The following INIP variants were observed in gnomAD, a reference collection of about 807,000 sequenced individuals.
INIP encodes INTS3 and NABP interacting protein, also known as SOSS complex subunit C.
A neutral mutation model predicts 14.0 loss-of-function variants in INIP; 9 were observed. That is an observed-to-expected ratio of 0.64 (90% confidence interval 0.39 to 1.12). The LOEUF (loss-of-function observed/expected upper bound fraction) is 1.12, where lower values mean the gene tolerates loss of function less well. Among genes scored for constraint, INIP ranks in the 50% most tolerant of loss-of-function variants. The probability of loss-of-function intolerance (pLI) is 0.01; values close to 1 mark genes in which losing one functional copy is unlikely to be tolerated. For synonymous variants in INIP, 37 were observed against 41.5 expected (o/e 0.89, Z 0.41); for missense variants, 78 against 122.7 (o/e 0.64, Z 1.72).
intron 3 of INIP, chr9:112,693,886 C>T (rs1837980138): frequency 3.7e-6 from 1 of 271,658 alleles, no homozygotes; most frequent in Non-Finnish European, 6.9e-6. Context: ...ACCAGCCTAA[C>T]CAACATGGTG....
chr9:112,695,908 G>A (rs1838074420), intron 2 of INIP, among the ~76,000 whole-genome samples: 1 of 151,906 alleles, frequency 6.6e-6, no homozygotes, highest in African/African-American at 2.4e-5. Flanking sequence ...AATGTATTAA[G>A]CCAGGGTATT....
At chr9:112,703,979 A>G (rs1206382491) in intron 2 of INIP, among the ~76,000 whole-genome samples, 2 of 152,224 alleles carry the variant, frequency 1.3e-5, no homozygotes, top group Non-Finnish European at 2.9e-5. Flanking sequence ...CCAATGTCTT[A>G]TTATATTAAT....
In INIP at chr9:112,684,989, C is replaced by G. The variant is rs1226838639; in HGVS notation, c.*2549G>C. The G allele has an allele frequency of 6.6e-6, 1 of 152,348 alleles. No homozygotes were observed. Among genetic ancestry groups the G allele is most frequent in the Non-Finnish European group, 1.5e-5 (1 of 68,148 alleles). 9.4% of individuals were successfully genotyped at this position (152,348 alleles called of 1,614,324 possible). A position where few individuals can be genotyped will look rare whatever the true frequency, so the allele number is the denominator to read the frequency against. ...TTGCTCTGCACGTGGAGCAGCTCTT[C>G]CTTCCCTTGTCAGGTAAAAATCACA... On this transcript the variant is annotated 3_prime_UTR_variant, in exon 5 of 5. Transcript: ENST00000374242.
chr9:112,713,712 C>T (rs951829275), intron 2 of INIP, among the ~76,000 whole-genome samples: 8 of 151,952 alleles, frequency 5.3e-5, no homozygotes, highest in South Asian at 2.1e-4. Context: ...TATCTGAGGC[C>T]GGGCACAGTG....
At chr9:112,695,252 A>G (rs1430654575) in intron 2 of INIP, among the ~76,000 whole-genome samples, 3 of 140,606 alleles carry the variant, frequency 2.1e-5, no homozygotes, top group Non-Finnish European at 4.7e-5. Flanking sequence ...AAACAGAACT[A>G]CAGAAAAAAA....
chr9:112,713,520 C>T (rs536185179), intron 2 of INIP, among the ~76,000 whole-genome samples: 1 of 151,940 alleles, frequency 6.6e-6, no homozygotes, highest in South Asian at 2.1e-4. Context: ...AAGCAAGACC[C>T]TCTCTCTACA....
At position 112,716,191 on chromosome 9, in the gene INIP, G is replaced by T. The variant is rs555757659; in HGVS notation, c.25+270C>A. The stretch of plus-strand genomic sequence containing the variant: ...GGGTTCAAGAAATTCTCCTGCCTCA[G>T]CCTCCCTAGTAGCTGGGATTACAGG... On this transcript the variant is annotated intron_variant, in intron 2 of 4. Transcript: ENST00000374242. 4.6e-5 allele frequency among the ~76,000 whole-genome samples: 7 copies of T among 152,160 alleles called. No individual in the cohort carries two copies. The South Asian group carries it at 1.5e-3, about 32-fold the overall frequency.
Position 112,687,524 on chromosome 9 carries a change from C to A in INIP, c.*14G>T. On this transcript the variant is annotated 3_prime_UTR_variant, in exon 5 of 5. Coordinates refer to ENST00000374242, the MANE Select transcript of INIP (RefSeq NM_021218.3). ...TGATATTACAAAGTCACTTTTCCAT[C>A]GCAAATGTTTTCTTCATTCTGGGTC... 1 of 1,534,094 alleles carries A rather than the reference C, an allele frequency of 6.5e-7. No homozygotes were observed. Among genetic ancestry groups the A allele is most frequent in the South Asian group, 1.1e-5 (1 of 88,624 alleles).
intron 3 of INIP, among the ~76,000 whole-genome samples, chr9:112,693,795 C>T (rs985421309): frequency 1.3e-5 from 2 of 152,204 alleles, no homozygotes; most frequent in Non-Finnish European, 2.9e-5. Context: ...ACATTACAGG[C>T]CAGGCACGGT....
At chr9:112,716,096 G>A (rs76339956) in intron 2 of INIP, among the ~76,000 whole-genome samples, 5 of 151,502 alleles carry the variant, frequency 3.3e-5, no homozygotes, top group East Asian at 1.9e-4. Flanking sequence ...TTTTTGAGAC[G>A]GAGTCTCACT....
intron 2 of INIP, among the ~76,000 whole-genome samples, chr9:112,696,259 C>T (rs796551526): frequency 5.9e-5 from 9 of 152,148 alleles, no homozygotes; most frequent in African/African-American, 2.2e-4. Context: ...CTCATCCTAA[C>T]TCCAATCCCT....
At chr9:112,706,142 T>C (rs1838460860) in intron 2 of INIP, among the ~76,000 whole-genome samples, 1 of 152,150 alleles carries the variant, frequency 6.6e-6, no homozygotes, top group Middle Eastern at 3.2e-3. Flanking sequence ...AAATCAAAAC[T>C]ACAGTGAGAT....
intron 2 of INIP, among the ~76,000 whole-genome samples, chr9:112,713,165 C>A (rs1193279072): frequency 6.6e-6 from 1 of 152,172 alleles, no homozygotes; most frequent in African/African-American, 2.4e-5. Flanking sequence ...ACAAATACTT[C>A]ATAAAGGAAG....
At chr9:112,713,376 A>G (rs74706535) in intron 2 of INIP, among the ~76,000 whole-genome samples, 1 of 152,182 alleles carries the variant, frequency 6.6e-6, no homozygotes, top group African/African-American at 2.4e-5. Context: ...CTCTCTTCAG[A>G]AGCGCATATA....
chr9:112,699,377 G>C (rs369530330), intron 2 of INIP, among the ~76,000 whole-genome samples: 1 of 152,026 alleles, frequency 6.6e-6, no homozygotes, highest in African/African-American at 2.4e-5. Context: ...AATTTAAAAC[G>C]TATAGTAGTC....
At chr9:112,692,217 A>C (rs1379764255) in intron 3 of INIP, among the ~76,000 whole-genome samples, 1 of 152,186 alleles carries the variant, frequency 6.6e-6, no homozygotes, top group Non-Finnish European at 1.5e-5. Flanking sequence ...AGTAAAGATG[A>C]GTACAGCCAA....
At chr9:112,717,242 A>C (rs1838853781) in intron 1 of INIP, among the ~76,000 whole-genome samples, 1 of 152,140 alleles carries the variant, frequency 6.6e-6, no homozygotes, top group African/African-American at 2.4e-5. Flanking sequence ...ATACCCAAAA[A>C]CTACTGTGTA....
chr9:112,685,593 CAA>C lies in INIP; in HGVS notation c.*1943_*1944del, dbSNP rs1256276304. The C allele has an allele frequency of 2.0e-5, 3 of 152,110 alleles. No homozygotes were observed. Among genetic ancestry groups the C allele is most frequent in the East Asian group, 1.9e-4 (1 of 5,196 alleles). The allele number at this position is 152,110 out of a possible 1,614,324, so 9.4% of individuals were successfully genotyped here. A position where few individuals can be genotyped will look rare whatever the true frequency, so the allele number is the denominator to read the frequency against. On this transcript the variant is annotated 3_prime_UTR_variant, in exon 5 of 5. Transcript: ENST00000374242. Reference sequence around the variant, plus strand: ...TAAAAAGATCTCTTTACCTGAGCTACAAAAGTCATACATTAGGTAGAGGCTTC... The same window carrying C: ...TAAAAAGATCTCTTTACCTGAGCTACAAGTCATACATTAGGTAGAGGCTTC...
At chr9:112,695,013 C>G (rs1349469979) in intron 2 of INIP, among the ~76,000 whole-genome samples, 1 of 152,162 alleles carries the variant, frequency 6.6e-6, no homozygotes, top group Non-Finnish European at 1.5e-5. Context: ...AAACTGTACA[C>G]TAATTTCTCA....
Sources: allele counts gnomAD v4.1 joint callset (sites outside exome capture counted in the v4.1 genomes callset), GRCh38; gene constraint gnomAD v4.1.1; transcripts MANE v1.5; gene names NCBI Gene and HGNC (gene_info 2026-07-23, HGNC 2026-07-21).